SPAG9: variants seen among roughly 807,000 people sequenced by gnomAD.
SPAG9 encodes the protein C-Jun-amino-terminal kinase-interacting protein 4.
A neutral mutation model predicts 166.5 loss-of-function variants in SPAG9; 35 were observed. The observed-to-expected ratio is 0.21, with a 90% CI of 0.16 to 0.28. The LOEUF is 0.28. Among genes scored for constraint, SPAG9 ranks in the 10% least tolerant of loss-of-function variants. The pLI, the probability that SPAG9 is intolerant of heterozygous loss-of-function variation, is 1.00. For missense variants in SPAG9, 1,235 were observed against 1,603.3 expected, an observed-to-expected ratio of 0.77 and a Z score of 3.92; for synonymous variants, 534 against 565.5, an observed-to-expected ratio of 0.94 and a Z score of 0.79.
intron 1 of SPAG9, among the ~76,000 whole-genome samples, chr17:51,105,193 T>C (rs1318228365): frequency 6.6e-6 from 1 of 152,190 alleles, no homozygotes; most frequent in Non-Finnish European, 1.5e-5. Flanking sequence ...ATTGAACCCC[T>C]GGGAATAGAA....
rs769571870 is a variant in SPAG9, at chr17:50,974,948, C to T, written c.3524-1G>A. 6.2e-7 allele frequency: 1 copy of T among 1,609,336 alleles called. No homozygotes were observed. The highest frequency in any genetic ancestry group is 8.5e-7 in the Non-Finnish European group (1 of 1,178,824). The stretch of plus-strand genomic sequence containing the variant: ...CCTGGTACACCTGAGGTTTTATTTG[C>T]TGCAACAGAAAAACCAAATACCAAA... On this transcript the variant is annotated splice_acceptor_variant, in intron 27 of 29. Transcript: ENST00000262013. LOFTEE classifies it high-confidence loss of function.
At chr17:51,041,177 G>A (rs1322250667) in intron 5 of SPAG9, among the ~76,000 whole-genome samples, 2 of 152,030 alleles carry the variant, frequency 1.3e-5, no homozygotes, top group Non-Finnish European at 2.9e-5. Flanking sequence ...TGGTAATAGC[G>A]ATTTTCAATT....
chr17:51,119,255 T>C (rs773776197), intron 1 of SPAG9, among the ~76,000 whole-genome samples: 26 of 152,158 alleles, frequency 1.7e-4, no homozygotes, highest in Admixed American at 5.9e-4. Flanking sequence ...AAACCTCACA[T>C]CCTAAAAACT....
At chr17:51,108,420 A>G in intron 1 of SPAG9, among the ~76,000 whole-genome samples, 1 of 151,894 alleles carries the variant, frequency 6.6e-6, no homozygotes, top group East Asian at 1.9e-4. Flanking sequence ...ACTAGCAAAA[A>G]TATTAAATAT....
intron 1 of SPAG9, among the ~76,000 whole-genome samples, chr17:51,101,780 T>C (rs2048814901): frequency 2.6e-5 from 4 of 151,994 alleles, no homozygotes; most frequent in African/African-American, 9.7e-5. Flanking sequence ...CCCGCCACCA[T>C]GCCTGGCTAA....
At chr17:51,096,454 C>A (rs1356011876) in intron 1 of SPAG9, among the ~76,000 whole-genome samples, 1 of 152,008 alleles carries the variant, frequency 6.6e-6, no homozygotes, top group Non-Finnish European at 1.5e-5. Flanking sequence ...GGCAAAGATA[C>A]AAGAAAATAA....
At chr17:51,000,975 T>C (rs985851875) in intron 13 of SPAG9, among the ~76,000 whole-genome samples, 2 of 152,198 alleles carry the variant, frequency 1.3e-5, no homozygotes, top group African/African-American at 4.8e-5. Flanking sequence ...TAAAATGATA[T>C]GTTAAAACAC....
chr17:51,043,377 A>C (rs1370843903), intron 4 of SPAG9, among the ~76,000 whole-genome samples: 1 of 152,212 alleles, frequency 6.6e-6, no homozygotes, highest in East Asian at 1.9e-4. Flanking sequence ...TCCTTAGTGC[A>C]TAGATAATAT....
intron 2 of SPAG9, among the ~76,000 whole-genome samples, chr17:51,057,581 T>C (rs2047396020): frequency 6.6e-6 from 1 of 152,222 alleles, no homozygotes; most frequent in Non-Finnish European, 1.5e-5. Flanking sequence ...TACCTTGTGC[T>C]GCCCAGAAAA....
At chr17:51,014,044 C>A (rs2045599450) in intron 9 of SPAG9, among the ~76,000 whole-genome samples, 188 bp downstream of exon 9, 1 of 151,994 alleles carries the variant, frequency 6.6e-6, no homozygotes, top group African/African-American at 2.4e-5. Context: ...TTAAGCATAC[C>A]CATATGCAAA....
Position 50,993,927 on chromosome 17 carries a change from C to T in SPAG9, c.2235G>A (p.Gln745=). 1 of 1,613,852 alleles carries T rather than the reference C, an allele frequency of 6.2e-7. No homozygotes were observed. Among genetic ancestry groups the T allele is most frequent in the Non-Finnish European group, 8.5e-7 (1 of 1,179,818 alleles). ...DKLDQELKEQ[Q]KELKNQEELS... ...ATTCTTCTTGATTTTTTAACTCCTT[C>T]TGCTGTTCCTGTATAGGCAAAGGAG... is the stretch of plus-strand genomic sequence containing the variant. The change falls in exon 19 of 30, where the codon CAG becomes CAA. Residue 745 remains glutamine (Q), a synonymous_variant. Transcript: ENST00000262013.
intron 1 of SPAG9, among the ~76,000 whole-genome samples, chr17:51,095,988 T>G (rs1277892786): frequency 9.5e-6 from 1 of 105,278 alleles, no homozygotes; most frequent in African/African-American, 3.7e-5. Context: ...TATATATATA[T>G]AGTGATATAT....
At chr17:51,038,853 G>A (rs944315735) in intron 5 of SPAG9, among the ~76,000 whole-genome samples, 2 of 152,046 alleles carry the variant, frequency 1.3e-5, no homozygotes, top group East Asian at 1.9e-4. Context: ...CTTGTTTGTC[G>A]ATCTCCATGA....
Position 51,075,972 on chromosome 17 carries a change from G to A in SPAG9, c.424+3612C>T, listed in dbSNP as rs552908506. ...TAGCTGGGGGTGATGGCAGGCACCTGTAATCCCAGCTACTAGGAAGGCTGA... is the reference window on the plus strand; with the variant it reads ...TAGCTGGGGGTGATGGCAGGCACCTATAATCCCAGCTACTAGGAAGGCTGA... On this transcript the variant is annotated intron_variant, in intron 2 of 29. Coordinates refer to ENST00000262013, the MANE Select transcript of SPAG9 (RefSeq NM_001130528.3). Among the ~76,000 whole-genome samples, 17 of 152,098 alleles carry A rather than the reference G, an allele frequency of 1.1e-4. 1 individual carries two copies. The South Asian group carries it at 3.3e-3, about 30-fold the overall frequency.
At chr17:51,119,693 G>C (rs2049413734) in intron 1 of SPAG9, among the ~76,000 whole-genome samples, 1 of 152,156 alleles carries the variant, frequency 6.6e-6, no homozygotes, top group Non-Finnish European at 1.5e-5. Flanking sequence ...GAAGGGAACT[G>C]TCCAAGGTTA....
chr17:51,040,928 C>G (rs1479636071), intron 5 of SPAG9, among the ~76,000 whole-genome samples: 1 of 152,112 alleles, frequency 6.6e-6, no homozygotes, highest in East Asian at 1.9e-4. Context: ...TAATTATTAG[C>G]TTATATCCAC....
intron 4 of SPAG9, among the ~76,000 whole-genome samples, chr17:51,043,834 C>T (rs762902154): frequency 6.6e-6 from 1 of 152,190 alleles, no homozygotes; most frequent in Non-Finnish European, 1.5e-5. Context: ...CATTTTCACA[C>T]ATAACAAATA....
rs1241077739 is a variant in SPAG9 at position 50,964,092 on chromosome 17, T to A, written c.*2180A>T. 6.6e-6 allele frequency: 1 copy of A among 152,182 alleles called. No individual in the cohort carries two copies. Among genetic ancestry groups the A allele is most frequent in the Non-Finnish European group, 1.5e-5 (1 of 68,038 alleles). 9.4% of individuals were successfully genotyped at this position (152,182 alleles called of 1,614,324 possible). On this transcript the variant is annotated 3_prime_UTR_variant, in exon 30 of 30. Coordinates refer to ENST00000262013, the MANE Select transcript of SPAG9 (RefSeq NM_001130528.3). Reference sequence around the variant, plus strand: ...TGTACTTCACAATCTAGCCTAATCGTGTATATGCATAAAAGCCACTGGTAT... The same window carrying A: ...TGTACTTCACAATCTAGCCTAATCGAGTATATGCATAAAAGCCACTGGTAT...
intron 9 of SPAG9, among the ~76,000 whole-genome samples, chr17:51,008,738 T>G (rs1336377366): frequency 6.6e-6 from 1 of 152,136 alleles, no homozygotes; most frequent in South Asian, 2.1e-4. Flanking sequence ...ACCTATGTAT[T>G]ATCTACAAAC....
Sources: allele counts gnomAD v4.1 joint callset (sites outside exome capture counted in the v4.1 genomes callset), GRCh38; gene constraint gnomAD v4.1.1; transcripts MANE v1.5; gene names NCBI Gene and HGNC (gene_info 2026-07-23, HGNC 2026-07-21).